TMC7: variants seen among roughly 807,000 people sequenced by gnomAD.
The protein encoded by TMC7 is transmembrane channel like 7, also known as transmembrane channel-like protein 7.
Under a neutral mutation model 82.9 loss-of-function variants are expected in TMC7, and 54 were observed. That is an observed-to-expected ratio of 0.65 (90% CI 0.52 to 0.82). The LOEUF (loss-of-function observed/expected upper bound fraction) is 0.82. Among genes scored for constraint, TMC7 ranks in the 40% least tolerant of loss-of-function variants. The probability of loss-of-function intolerance (pLI) is 0.00; values close to 1 mark genes in which losing one functional copy is unlikely to be tolerated. For synonymous variants in TMC7, 350 were observed against 337.9 expected (o/e 1.04, Z -0.39); for missense variants, 820 against 901.2 (o/e 0.91, Z 1.15).
Position 19,016,522 on chromosome 16 carries a change from GAAGAGGT to G in TMC7, c.385_391del (p.Lys129SerfsTer2). The G allele has an allele frequency of 6.2e-7, 1 of 1,614,198 alleles. No individual in the cohort carries two copies. The highest frequency in any genetic ancestry group is 8.5e-7 in the Non-Finnish European group (1 of 1,180,038). On this transcript the variant is annotated frameshift_variant, in exon 3 of 16. Coordinates refer to ENST00000304381, the MANE Select transcript of TMC7 (RefSeq NM_024847.4). LOFTEE classifies it high-confidence loss of function. ...GGAAGCGGTATAGCAGCAAGTCTTG[GAAGAGGT>G]TCCTAGAGAAGGCTCGAGAGATGAC...
At chr16:19,014,256 C>T (rs181852486) in intron 2 of TMC7, among the ~76,000 whole-genome samples, 90 of 152,192 alleles carry the variant, frequency 5.9e-4, no homozygotes, top group African/African-American at 2.0e-3. Context: ...CATCCCTGGC[C>T]TCTACCCACT....
Position 18,984,067 on chromosome 16 carries a change from A to C in TMC7, c.4A>C (p.Ser2Arg). 1 of 1,494,402 alleles carries C rather than the reference A, an allele frequency of 6.7e-7. No homozygotes were observed. Among genetic ancestry groups the C allele is most frequent in the Non-Finnish European group, 8.9e-7 (1 of 1,129,864 alleles). The allele number at this position is 1,494,402 out of a possible 1,614,324, so 92.6% of individuals were successfully genotyped here. ...CTGAGGAGCGCGGGGCGCGGCCATG[A>C]GCGAGTCCAGCGGCAGTGCGCTCCA... MSESSGSALQPG... is the reference protein window; with the variant it reads MRESSGSALQPG... The change falls in exon 1 of 16, where the codon AGC (serine) becomes CGC (arginine). Residue 2 changes from serine (S) to arginine (R), a missense_variant. By Grantham distance (110) the Ser-to-Arg change is moderately radical. Transcript: ENST00000304381.
At chr16:19,039,886 C>T (rs977586771) in intron 8 of TMC7, among the ~76,000 whole-genome samples, 5 of 151,932 alleles carry the variant, frequency 3.3e-5, no homozygotes, top group African/African-American at 1.2e-4. Context: ...GAAGCCAAAG[C>T]GGGTGGATCA....
chr16:19,009,119 C>A, intron 1 of TMC7, 53 bp from the exon 2 acceptor site: 1 of 1,574,620 alleles, frequency 6.4e-7, no homozygotes, highest in Non-Finnish European at 8.6e-7. Flanking sequence ...AAGTTTCCTG[C>A]TTGGCTTCCG....
rs185190705 is a variant in TMC7 at position 19,025,822 on chromosome 16, T to C, written c.711+2627T>C. 6.6e-5 allele frequency among the ~76,000 whole-genome samples: 10 copies of C among 151,862 alleles called. No homozygotes were observed. The East Asian group carries it at 2.0e-3, about 30-fold the overall frequency. On this transcript the variant is annotated intron_variant, in intron 5 of 15. Coordinates refer to ENST00000304381, the MANE Select transcript of TMC7 (RefSeq NM_024847.4). The stretch of plus-strand genomic sequence containing the variant: ...GCTCAGAGAGTGCAGTGGCACAATC[T>C]TGGCTCATTGCAACCTCTGCCTCCT...
At position 18,997,159 on chromosome 16, in the gene TMC7, TC is replaced by T. The variant is rs113102618; in HGVS notation, c.68-12010del. ...TGAGGGCGAGGACAGGGGACCGGTC[TC>T]CCGAAGGAGTCCTCCCGTCCTGGGT... On this transcript the variant is annotated intron_variant, in intron 1 of 15. Coordinates refer to ENST00000304381, the MANE Select transcript of TMC7 (RefSeq NM_024847.4). Among the ~76,000 whole-genome samples, 801 of 152,344 alleles carry T rather than the reference TC, an allele frequency of 5.3e-3. 12 individuals are homozygous for T. Among genetic ancestry groups the T allele is most frequent in the African/African-American group, 0.018 (748 of 41,586 alleles).
intron 1 of TMC7, among the ~76,000 whole-genome samples, chr16:18,988,209 C>T (rs543323794): frequency 9.0e-5 from 13 of 145,232 alleles, no homozygotes; most frequent in African/African-American, 3.4e-4. Flanking sequence ...GGCTGGAGTG[C>T]AATGGTGCGA....
intron 5 of TMC7, among the ~76,000 whole-genome samples, chr16:19,023,398 G>A (rs931324761): frequency 6.6e-6 from 1 of 152,098 alleles, no homozygotes; most frequent in Non-Finnish European, 1.5e-5. Context: ...CAGGAAATAT[G>A]CTTTATCACT....
Position 19,029,074 on chromosome 16 carries a change from C to T in TMC7, c.712-1150C>T, listed in dbSNP as rs553220096. Among the ~76,000 whole-genome samples the T allele has an allele frequency of 1.8e-4, 28 of 151,984 alleles. 1 individual carries two copies. In the South Asian group the frequency reaches 4.2e-3, roughly 23 times the overall value. Reference sequence around the variant, plus strand: ...AGGCTGGAGTGCAGTGGCACAATCTCGGCTCACTGCAAGATCCGCCTCCCG... The same window carrying T: ...AGGCTGGAGTGCAGTGGCACAATCTTGGCTCACTGCAAGATCCGCCTCCCG... On this transcript the variant is annotated intron_variant, in intron 5 of 15. Transcript: ENST00000304381.
chr16:18,990,299 T>C (rs1235364860), intron 1 of TMC7, among the ~76,000 whole-genome samples: 1 of 152,192 alleles, frequency 6.6e-6, no homozygotes, highest in Non-Finnish European at 1.5e-5. Flanking sequence ...GATATATACG[T>C]GCAAGTCACA....
rs185278307 is a variant in TMC7 at position 19,062,242 on chromosome 16, A to C, written c.*399A>C. The C allele has an allele frequency of 2.6e-3, 447 of 171,076 alleles. 4 individuals are homozygous for C. Among genetic ancestry groups the C allele is most frequent in the African/African-American group, 9.5e-3 (401 of 42,422 alleles). 10.6% of individuals were successfully genotyped at this position (171,076 alleles called of 1,614,324 possible). A position where few individuals can be genotyped will look rare whatever the true frequency, so the allele number is the denominator to read the frequency against. On this transcript the variant is annotated 3_prime_UTR_variant, in exon 16 of 16. Coordinates refer to ENST00000304381, the MANE Select transcript of TMC7 (RefSeq NM_024847.4). ...ACCAGCCCATGAGTGTATAACAAACAGAATTGGAGGCTGGTTTCTTAAACA... is the reference window on the plus strand; with the variant it reads ...ACCAGCCCATGAGTGTATAACAAACCGAATTGGAGGCTGGTTTCTTAAACA...
At chr16:19,017,240 A>G (rs1325619182) in intron 3 of TMC7, among the ~76,000 whole-genome samples, 3 of 151,918 alleles carry the variant, frequency 2.0e-5, no homozygotes, top group Non-Finnish European at 4.4e-5. Flanking sequence ...TCTATCACAC[A>G]TATTTTTAAA....
intron 6 of TMC7, among the ~76,000 whole-genome samples, chr16:19,032,501 G>A (rs907962959): frequency 6.6e-6 from 1 of 150,878 alleles, no homozygotes; most frequent in Non-Finnish European, 1.5e-5. Context: ...CAATTTGGAA[G>A]TGCCATCTTT....
chr16:19,020,113 C>A (rs1014411316), intron 3 of TMC7, among the ~76,000 whole-genome samples: 1 of 152,084 alleles, frequency 6.6e-6, no homozygotes, highest in Non-Finnish European at 1.5e-5. Flanking sequence ...ATGATCATCC[C>A]AACAGATGCA....
intron 12 of TMC7, chr16:19,049,765 G>T (rs1961442023): frequency 2.1e-6 from 1 of 479,666 alleles, no homozygotes; most frequent in Non-Finnish European, 2.7e-6. Context: ...AGTATCTTCG[G>T]TACTCAGTGT....
intron 1 of TMC7, among the ~76,000 whole-genome samples, chr16:18,989,103 G>A (rs914648593): frequency 5.3e-5 from 8 of 151,514 alleles, no homozygotes; most frequent in Middle Eastern, 3.6e-3. Flanking sequence ...TTCTTTGGAC[G>A]TCTTTCAGTC....
At chr16:19,039,834 G>A (rs1055917330) in intron 8 of TMC7, among the ~76,000 whole-genome samples, 4 of 151,862 alleles carry the variant, frequency 2.6e-5, no homozygotes, top group South Asian at 4.2e-4. Flanking sequence ...AGGAGATGGC[G>A]GCCGGGCGAG....
chr16:18,989,353 T>C (rs2038907657), intron 1 of TMC7, among the ~76,000 whole-genome samples: 1 of 152,158 alleles, frequency 6.6e-6, no homozygotes, highest in South Asian at 2.1e-4. Context: ...AAGACTGACC[T>C]CTGCCCAGCA....
intron 12 of TMC7, among the ~76,000 whole-genome samples, chr16:19,050,461 GC>G (rs1010890089): frequency 5.3e-5 from 8 of 150,982 alleles, no homozygotes; most frequent in African/African-American, 1.9e-4. Context: ...TTTTCACAGT[GC>G]CACATGGGGA....
Sources: gnomAD v4.1 joint callset for allele counts (sites outside exome capture counted in the v4.1 genomes callset) on GRCh38, gnomAD v4.1.1 for gene constraint, MANE v1.5 for transcripts, NCBI Gene and HGNC (gene_info 2026-07-23, HGNC 2026-07-21) for gene names.